BICRA: variants seen among roughly 807,000 people sequenced by gnomAD.
BICRA encodes BRD4 interacting chromatin remodeling complex associated protein, also known as BRD4-interacting chromatin-remodeling complex-associated protein.
BICRA carries 31 observed loss-of-function variants against 96.9 expected under a neutral mutation model. The ratio of observed to expected loss-of-function variants is 0.32; its 90% CI spans 0.24 to 0.43. BICRA has a LOEUF of 0.43. BICRA is among the 20% of genes least tolerant of loss of function. BICRA has a pLI of 1.00. For synonymous variants in BICRA, 1,350 were observed against 1,071.8 expected (o/e 1.26, Z -5.07); for missense variants, 2,283 against 2,190.3 (o/e 1.04, Z -0.84).
intron 10 of BICRA, among the ~76,000 whole-genome samples, chr19:47,696,068 C>G (rs1021598801): frequency 6.6e-6 from 1 of 151,792 alleles, no homozygotes; most frequent in Admixed American, 6.6e-5. Flanking sequence ...GGCGGGGGGG[C>G]GAAACGACAG....
In BICRA at chr19:47,613,284, G is replaced by A. The variant is rs925665059; in HGVS notation, c.-108+4116G>A. ...GTCTAGCCAGCAGCCCAGTTCCCCCGCCAGCTCTCAACCCCCACCCGCCAG... is the reference window on the plus strand; with the variant it reads ...GTCTAGCCAGCAGCCCAGTTCCCCCACCAGCTCTCAACCCCCACCCGCCAG... On this transcript the variant is annotated intron_variant, in intron 1 of 14. Transcript: ENST00000594866. 3.3e-5 allele frequency among the ~76,000 whole-genome samples: 5 copies of A among 152,186 alleles called. No homozygotes were observed. In the South Asian group the frequency reaches 8.3e-4, roughly 25 times the overall value.
rs778083043 is a variant in BICRA, at chr19:47,702,132, C to T, written c.4400C>T (p.Pro1467Leu). The T allele has an allele frequency of 4.3e-4, 658 of 1,536,756 alleles. No homozygotes were observed. The highest frequency in any genetic ancestry group is 5.4e-4 in the Non-Finnish European group (626 of 1,149,274). ...ACCGGGGACCCCGACTGGGAGGCGCCCGGGCTGCCCCCTGCCAAGCGGCGC... is the reference window on the plus strand; with the variant it reads ...ACCGGGGACCCCGACTGGGAGGCGCTCGGGCTGCCCCCTGCCAAGCGGCGC... ...QGTGDPDWEAPGLPPAKRRKS... is the reference protein window; with the variant it reads ...QGTGDPDWEALGLPPAKRRKS... The change falls in exon 15 of 15, where the codon CCC becomes CTC. Residue 1467 changes from proline to leucine, a missense_variant. By Grantham distance (98) the Pro-to-Leu change is moderately conservative. Coordinates refer to ENST00000594866, the MANE Select transcript of BICRA (RefSeq NM_001394372.1).
chr19:47,621,753 G>C (rs1042977239), intron 1 of BICRA, among the ~76,000 whole-genome samples: 2 of 151,864 alleles, frequency 1.3e-5, no homozygotes, highest in Admixed American at 1.3e-4. Flanking sequence ...ACAGGCGTGA[G>C]CCACTGCACC....
intron 7 of BICRA, among the ~76,000 whole-genome samples, chr19:47,684,256 C>T (rs1376344680): frequency 7.2e-5 from 11 of 152,280 alleles, no homozygotes; most frequent in Admixed American, 2.6e-4. Context: ...GATCTCGGCT[C>T]GCTGCAATCT....
Position 47,694,733 on chromosome 19 carries a change from G to GGAGGCA in BICRA, c.2895+9_2895+14dup. On this transcript the variant is annotated splice_region_variant and intron_variant, in intron 8 of 14. Transcript: ENST00000594866. Reference sequence around the variant, plus strand: ...TCTCGAGAGATTTCACCAGGTAACGGGAGGCAGGGACTGCCCGCCCCATCA... The same window carrying GGAGGCA: ...TCTCGAGAGATTTCACCAGGTAACGGGAGGCAGAGGCAGGGACTGCCCGCCCCATCA... 2.1e-6 allele frequency: 3 copies of GGAGGCA among 1,406,860 alleles called. No homozygotes were observed. In the South Asian group the frequency reaches 3.8e-5, roughly 18 times the overall value. 87.1% of individuals were successfully genotyped at this position (1,406,860 alleles called of 1,614,324 possible).
chr19:47,696,162 G>T (rs1973338780), intron 10 of BICRA, among the ~76,000 whole-genome samples: 1 of 152,132 alleles, frequency 6.6e-6, no homozygotes, highest in Admixed American at 6.5e-5. Flanking sequence ...CGGCAGAGGA[G>T]GGAGGTCACA....
At chr19:47,696,197 C>T (rs116477175) in intron 10 of BICRA, among the ~76,000 whole-genome samples, 1,869 of 152,166 alleles carry the variant, frequency 0.012, 41 homozygotes, top group African/African-American at 0.041. Context: ...GGCGAGGGGA[C>T]GGAGGGAACC....
chr19:47,623,270 G>T (rs955213132), intron 1 of BICRA, among the ~76,000 whole-genome samples: 1 of 152,024 alleles, frequency 6.6e-6, no homozygotes, highest in Non-Finnish European at 1.5e-5. Flanking sequence ...TTCTCCTCCT[G>T]CTGCTTTTCC....
At position 47,632,279 on chromosome 19, in the gene BICRA, T is replaced by C. The variant is rs73943827; in HGVS notation, c.-108+23111T>C. Among the ~76,000 whole-genome samples the C allele has an allele frequency of 7.0e-3, 1,064 of 152,362 alleles. 21 individuals are homozygous for C. Among genetic ancestry groups the C allele is most frequent in the African/African-American group, 0.024 (994 of 41,592 alleles). On this transcript the variant is annotated intron_variant, in intron 1 of 14. Transcript: ENST00000594866. Reference sequence around the variant, plus strand: ...TGCATTCCAGAAAGGCTTCACCATTTTCACTGCTGGCAAACAGCAGCCGGA... The same window carrying C: ...TGCATTCCAGAAAGGCTTCACCATTCTCACTGCTGGCAAACAGCAGCCGGA...
intron 1 of BICRA, among the ~76,000 whole-genome samples, chr19:47,645,362 C>T (rs547803557): frequency 6.6e-6 from 1 of 152,302 alleles, no homozygotes; most frequent in Admixed American, 6.5e-5. Flanking sequence ...TTGGAATTTC[C>T]AGAGCCTGTG....
chr19:47,656,575 C>T (rs1242617428), intron 1 of BICRA, among the ~76,000 whole-genome samples: 1 of 152,140 alleles, frequency 6.6e-6, no homozygotes, highest in African/African-American at 2.4e-5. Flanking sequence ...AACACAGCCA[C>T]CTGGAATAAC....
chr19:47,699,167 CGGGAGGGAGGTT>C lies in BICRA; in HGVS notation c.3492+119_3493-114del. 1.0e-6 allele frequency: 1 copy of C among 952,582 alleles called. No individual in the cohort carries two copies. Among genetic ancestry groups the C allele is most frequent in the South Asian group, 1.4e-5 (1 of 71,942 alleles). 59.0% of individuals were successfully genotyped at this position (952,582 alleles called of 1,614,324 possible). ...TGGAGCCTCCCGCCCCTCCTAGCCC[CGGGAGGGAGGTT>C]GGGAGGGAGGCGGGAGCTCCCATCA... On this transcript the variant is annotated intron_variant, in intron 13 of 14. Coordinates refer to ENST00000594866, the MANE Select transcript of BICRA (RefSeq NM_001394372.1). This position sits in a 1 kb window ranked among gnomAD's most constrained non-coding sequence, Gnocchi z 5.0.
intron 7 of BICRA, among the ~76,000 whole-genome samples, chr19:47,687,969 C>T (rs1328695431): frequency 6.6e-6 from 1 of 152,146 alleles, no homozygotes; most frequent in East Asian, 1.9e-4. Context: ...TGAAAAGGTT[C>T]ATGCCAGTGA....
intron 1 of BICRA, among the ~76,000 whole-genome samples, chr19:47,642,387 A>C (rs185450512): frequency 6.6e-6 from 1 of 152,286 alleles, no homozygotes; most frequent in East Asian, 1.9e-4. Flanking sequence ...GTCAGATGAT[A>C]AGGGTATGTT....
intron 1 of BICRA, among the ~76,000 whole-genome samples, chr19:47,618,820 G>A (rs1378147637): frequency 6.6e-6 from 1 of 152,232 alleles, no homozygotes; most frequent in African/African-American, 2.4e-5. Flanking sequence ...TCTGCTGCCT[G>A]GAGGCAGAGG....
At chr19:47,696,916 G>A (rs1973353616) in intron 11 of BICRA, among the ~76,000 whole-genome samples, 1 of 152,008 alleles carries the variant, frequency 6.6e-6, no homozygotes, top group Non-Finnish European at 1.5e-5. Flanking sequence ...GGGATGGATG[G>A]ATGGGAGTCT....
At chr19:47,692,590 A>G (rs1973257700) in intron 7 of BICRA, among the ~76,000 whole-genome samples, 1 of 152,192 alleles carries the variant, frequency 6.6e-6, no homozygotes, top group African/African-American at 2.4e-5. Context: ...TGACCCTTTC[A>G]AAGTCCCCAG....
intron 1 of BICRA, among the ~76,000 whole-genome samples, chr19:47,628,797 A>G (rs1011953560): frequency 1.3e-5 from 2 of 151,986 alleles, no homozygotes; most frequent in African/African-American, 2.4e-5. Flanking sequence ...TTGTAGACAC[A>G]GGGTTTTGCC....
chr19:47,682,237 C>G (rs915564033), intron 7 of BICRA, 85 bp downstream of exon 7: 4 of 617,330 alleles, frequency 6.5e-6, no homozygotes, highest in East Asian at 2.8e-5. Flanking sequence ...GCTCTCCGCC[C>G]TGCCTGCGTC....
Sources: gnomAD v4.1 joint callset for allele counts (sites outside exome capture counted in the v4.1 genomes callset) on GRCh38, gnomAD v4.1.1 for gene constraint, Gnocchi (gnomAD v3.1) non-coding constraint, MANE v1.5 for transcripts, NCBI Gene and HGNC (gene_info 2026-07-23, HGNC 2026-07-21) for gene names.